SMC1A: variants seen among roughly 807,000 people sequenced by gnomAD.
The protein encoded by SMC1A is structural maintenance of chromosomes 1A.
In SMC1A, 4 loss-of-function variants were observed where a neutral mutation model predicts 94.5. The ratio of observed to expected loss-of-function variants is 0.04; its 90% CI spans 0.02 to 0.10. SMC1A has a LOEUF of 0.10. Among genes scored for constraint, SMC1A ranks in the 10% least tolerant of loss-of-function variants. The probability of loss-of-function intolerance (pLI) is 1.00; values close to 1 mark genes in which losing one functional copy is unlikely to be tolerated. For synonymous variants in SMC1A, 345 were observed against 347.7 expected (o/e 0.99, Z 0.09); for missense variants, 304 against 989.0 (o/e 0.31, Z 9.29).
At chrX:53,394,692 G>T in intron 19 of SMC1A, 86 bp downstream of exon 19, 1 of 609,729 alleles carries the variant, frequency 1.6e-6, no homozygotes, top group Non-Finnish European at 2.7e-6. Context: ...CCCCAGATGG[G>T]CTGACCTCCT....
intron 1 of SMC1A, among the ~76,000 whole-genome samples, chrX:53,416,349 G>A (rs889300700): frequency 9.4e-6 from 1 of 106,380 alleles, no homozygotes; most frequent in African/African-American, 3.4e-5. Context: ...TAATAATAAT[G>A]TAAAGTAAAA....
chrX:53,421,995 G>A (rs782331702), intron 1 of SMC1A: 28 of 1,208,116 alleles, frequency 2.3e-5, no homozygotes, highest in Non-Finnish European at 2.9e-5. Flanking sequence ...GAGAAGAGTA[G>A]AAAGGAGTTG....
intron 15 of SMC1A, among the ~76,000 whole-genome samples, chrX:53,402,543 T>C (rs1282717632): frequency 9.4e-6 from 1 of 106,110 alleles, no homozygotes; most frequent in Non-Finnish European, 1.9e-5. Context: ...TAAATACCTT[T>C]TAAAAAGGTT....
At position 53,375,319 on chromosome X, in the gene SMC1A, T is replaced by C. The variant is rs782665339; in HGVS notation, c.*4784A>G. Reference sequence around the variant, plus strand: ...CAAGATCAAGACTCCAGAGATGACATAGAAAGGAAACCTAGCTTCCATTTC... The same window carrying C: ...CAAGATCAAGACTCCAGAGATGACACAGAAAGGAAACCTAGCTTCCATTTC... On this transcript the variant is annotated 3_prime_UTR_variant, in exon 25 of 25. Transcript: ENST00000322213. 2.7e-5 allele frequency: 3 copies of C among 111,737 alleles called. No individual in the cohort carries two copies. The highest frequency in any genetic ancestry group is 9.8e-5 in the African/African-American group (3 of 30,755). The allele number at this position is 111,737 out of a possible 1,213,427, so 9.2% of individuals were successfully genotyped here.
chrX:53,385,324 G>A (rs1190194105), intron 19 of SMC1A, among the ~76,000 whole-genome samples: 26 of 100,493 alleles, frequency 2.6e-4, no homozygotes, highest in African/African-American at 9.3e-4. Flanking sequence ...AAGCTGGAGT[G>A]CAGTGGCGCG....
chrX:53,406,980 G>A (rs2075693757), intron 9 of SMC1A, among the ~76,000 whole-genome samples: 1 of 112,306 alleles, frequency 8.9e-6, no homozygotes, highest in Non-Finnish European at 1.9e-5. Flanking sequence ...TTACAGGCGT[G>A]AGCTACCGCT....
intron 15 of SMC1A, 99 bp downstream of exon 15, chrX:53,403,466 TA>T: frequency 1.5e-6 from 1 of 646,447 alleles, no homozygotes; most frequent in Non-Finnish European, 2.5e-6. Context: ...CACATAGTTC[TA>T]AGAGCTGACC....
chrX:53,422,383 G>A (rs982215205), intron 1 of SMC1A, 109 bp downstream of exon 1: 50 of 580,621 alleles, frequency 8.6e-5, no homozygotes, highest in Non-Finnish European at 1.4e-4. Context: ...CAAGGAACCC[G>A]TAAGGGTCCG....
At chrX:53,416,534 G>A (rs189711413) in intron 1 of SMC1A, among the ~76,000 whole-genome samples, 25 of 106,261 alleles carry the variant, frequency 2.4e-4, no homozygotes, top group Non-Finnish European at 1.7e-4. Context: ...GGGATTACAG[G>A]CACACATCAC....
chrX:53,388,194 A>G (rs782020344), intron 19 of SMC1A, among the ~76,000 whole-genome samples: 23 of 111,487 alleles, frequency 2.1e-4, no homozygotes, highest in African/African-American at 7.5e-4. Flanking sequence ...CCAGCTGTGA[A>G]GGAGCCGTAG....
intron 1 of SMC1A, among the ~76,000 whole-genome samples, chrX:53,419,799 G>A (rs2075747426): frequency 2.9e-5 from 3 of 105,242 alleles, no homozygotes; most frequent in Admixed American, 1.0e-4. Context: ...ACTCCAGCCT[G>A]GGCGACAGAG....
chrX:53,390,852 C>T (rs972986074), intron 19 of SMC1A, among the ~76,000 whole-genome samples: 11 of 103,527 alleles, frequency 1.1e-4, no homozygotes, highest in African/African-American at 3.6e-4. Flanking sequence ...ATTAGCTGGA[C>T]GCGATGGTGG....
chrX:53,379,770 C>T lies in SMC1A; in HGVS notation c.*333G>A, dbSNP rs2075574839. ...GCACACATGCGGATACATACATACACACATACATACCCACACACACAGTGG... is the reference window on the plus strand; with the variant it reads ...GCACACATGCGGATACATACATACATACATACATACCCACACACACAGTGG... On this transcript the variant is annotated 3_prime_UTR_variant, in exon 25 of 25. Transcript: ENST00000322213. 2.9e-6 allele frequency: 1 copy of T among 348,441 alleles called. No individual in the cohort carries two copies. Among genetic ancestry groups the T allele is most frequent in the African/African-American group, 2.5e-5 (1 of 39,527 alleles). The allele number at this position is 348,441 out of a possible 1,213,427, so 28.7% of individuals were successfully genotyped here.
rs1556884979 is a variant in SMC1A, at chrX:53,374,407, C to G, written c.*5696G>C. 6 of 111,644 alleles carry G rather than the reference C, an allele frequency of 5.4e-5. No individual in the cohort carries two copies. Among genetic ancestry groups the G allele is most frequent in the Non-Finnish European group, 1.1e-4 (6 of 53,201 alleles). 9.2% of individuals were successfully genotyped at this position (111,644 alleles called of 1,213,427 possible). A position where few individuals can be genotyped will look rare whatever the true frequency, so the allele number is the denominator to read the frequency against. On this transcript the variant is annotated 3_prime_UTR_variant, in exon 25 of 25. Coordinates refer to ENST00000322213, the MANE Select transcript of SMC1A (RefSeq NM_006306.4). ...GCTACTGACTAACTTCTTTCTGCCC[C>G]CCTCGATGCTAGCCCATGGCTTTTT...
In SMC1A at chrX:53,382,436, G is replaced by A. The variant is rs1334630578; in HGVS notation, c.3286-53C>T. ...TGTATCTGAGACTGGATGGAGATAGGGACAGGAAGCCTAGAGGGAAGGACA... is the reference window on the plus strand; with the variant it reads ...TGTATCTGAGACTGGATGGAGATAGAGACAGGAAGCCTAGAGGGAAGGACA... On this transcript the variant is annotated intron_variant, in intron 21 of 24. Coordinates refer to ENST00000322213, the MANE Select transcript of SMC1A (RefSeq NM_006306.4). 8 of 1,194,859 alleles carry A rather than the reference G, an allele frequency of 6.7e-6. No individual in the cohort carries two copies. The African/African-American group carries it at 1.2e-4, about 18-fold the overall frequency.
At chrX:53,404,438 T>C (rs1556889359) in intron 13 of SMC1A, among the ~76,000 whole-genome samples, 1 of 107,356 alleles carries the variant, frequency 9.3e-6, no homozygotes, top group African/African-American at 3.4e-5. Flanking sequence ...ACTGAACACA[T>C]GGTAGTCTTA....
chrX:53,379,833 GGGGGAGGAA>G lies in SMC1A; in HGVS notation c.*261_*269del, dbSNP rs1321807569. ...AGGGGCCCACGATTATGGGTGATGA[GGGGGAGGAA>G]GGGGGTGTGTGTGATGAACAGATGG... is the stretch of plus-strand genomic sequence containing the variant. On this transcript the variant is annotated 3_prime_UTR_variant, in exon 25 of 25. Coordinates refer to ENST00000322213, the MANE Select transcript of SMC1A (RefSeq NM_006306.4). The G allele has an allele frequency of 9.6e-6, 4 of 416,901 alleles. No homozygotes were observed. The highest frequency in any genetic ancestry group is 1.7e-5 in the Non-Finnish European group (4 of 238,557). The allele number at this position is 416,901 out of a possible 1,213,427, so 34.4% of individuals were successfully genotyped here. A position where few individuals can be genotyped will look rare whatever the true frequency, so the allele number is the denominator to read the frequency against.
rs2075575182 is a variant in SMC1A, at chrX:53,379,833, G to A, written c.*270C>T. On this transcript the variant is annotated 3_prime_UTR_variant, in exon 25 of 25. Transcript: ENST00000322213. Reference sequence around the variant, plus strand: ...AGGGGCCCACGATTATGGGTGATGAGGGGGAGGAAGGGGGTGTGTGTGATG... The same window carrying A: ...AGGGGCCCACGATTATGGGTGATGAAGGGGAGGAAGGGGGTGTGTGTGATG... The A allele has an allele frequency of 2.4e-6, 1 of 416,901 alleles. No homozygotes were observed. Among genetic ancestry groups the A allele is most frequent in the Non-Finnish European group, 4.2e-6 (1 of 238,557 alleles). 34.4% of individuals were successfully genotyped at this position (416,901 alleles called of 1,213,427 possible).
At chrX:53,389,900 A>T (rs2075621161) in intron 19 of SMC1A, among the ~76,000 whole-genome samples, 1 of 75,310 alleles carries the variant, frequency 1.3e-5, no homozygotes, top group Non-Finnish European at 2.3e-5. Flanking sequence ...CCCAGGCTGG[A>T]GTGCAATGGC....
Sources: gnomAD v4.1 joint callset for allele counts (sites outside exome capture counted in the v4.1 genomes callset) on GRCh38, gnomAD v4.1.1 for gene constraint, MANE v1.5 for transcripts, NCBI Gene and HGNC (gene_info 2026-07-23, HGNC 2026-07-21) for gene names.